The following PDSS2 variants were observed in gnomAD, a reference collection of about 807,000 sequenced individuals.
PDSS2 encodes all trans-polyprenyl-diphosphate synthase PDSS2.
Under a neutral mutation model 44.5 loss-of-function variants are expected in PDSS2, and 31 were observed. The observed-to-expected ratio is 0.70, with a 90% confidence interval of 0.52 to 0.94. The LOEUF (loss-of-function observed/expected upper bound fraction) is 0.94, where lower values mean the gene tolerates loss of function less well. Ranked by LOEUF, PDSS2 falls within the 40% of genes least tolerant of loss-of-function variation. The pLI, the probability that PDSS2 is intolerant of heterozygous loss-of-function variation, is 0.00. For synonymous variants in PDSS2, 157 were observed against 180.3 expected, an observed-to-expected ratio of 0.87 and a Z score of 1.03; for missense variants, 452 against 482.2, an observed-to-expected ratio of 0.94 and a Z score of 0.59.
chr6:107,356,992 A>G lies in PDSS2; in HGVS notation c.297-22660T>C, dbSNP rs894672909. Among the ~76,000 whole-genome samples, 9 of 152,320 alleles carry G rather than the reference A, an allele frequency of 5.9e-5. No individual in the cohort carries two copies. In the East Asian group the frequency reaches 1.7e-3, roughly 29 times the overall value. ...ATGATTGAGGTTTAATTCTAAAAAA[A>G]TTCAGAACACACAAAACAGGAAAAA... is the stretch of plus-strand genomic sequence containing the variant. On this transcript the variant is annotated intron_variant, in intron 1 of 7. Coordinates refer to ENST00000369037, the MANE Select transcript of PDSS2 (RefSeq NM_020381.4).
At chr6:107,221,750 G>A (rs187294554) in intron 4 of PDSS2, among the ~76,000 whole-genome samples, 22 of 152,238 alleles carry the variant, frequency 1.4e-4, no homozygotes, top group Admixed American at 5.9e-4. Context: ...TGAGACATTT[G>A]TACATATCTA....
chr6:107,364,059 C>T lies in PDSS2; in HGVS notation c.297-29727G>A, dbSNP rs1031950215. Among the ~76,000 whole-genome samples the T allele has an allele frequency of 7.9e-5, 12 of 152,290 alleles. No individual in the cohort carries two copies. The East Asian group carries it at 1.7e-3, about 22-fold the overall frequency. ...ACCAGAGCAGCTAGATACAGAGCGT[C>T]GACTGGTGCACTCACAAACCTTGAG... On this transcript the variant is annotated intron_variant, in intron 1 of 7. Coordinates refer to ENST00000369037, the MANE Select transcript of PDSS2 (RefSeq NM_020381.4).
chr6:107,181,064 C>G (rs1416648092), intron 7 of PDSS2, among the ~76,000 whole-genome samples: 1 of 151,856 alleles, frequency 6.6e-6, no homozygotes, highest in Non-Finnish European at 1.5e-5. Flanking sequence ...AGGCTGGGCT[C>G]GAACTCCTGA....
intron 7 of PDSS2, among the ~76,000 whole-genome samples, chr6:107,181,577 A>C (rs115256376): frequency 0.015 from 2,223 of 150,618 alleles, 53 homozygotes; most frequent in African/African-American, 0.051. Context: ...AATAAGAAAA[A>C]AAAAAGAAAG....
chr6:107,159,073 C>T (rs931374024), intron 7 of PDSS2, among the ~76,000 whole-genome samples: 3 of 152,034 alleles, frequency 2.0e-5, no homozygotes, highest in South Asian at 2.1e-4. Flanking sequence ...AGTCCCTTGT[C>T]GGACTGCTGG....
Position 107,459,138 on chromosome 6 carries a change from T to A in PDSS2, c.148A>T (p.Asn50Tyr), listed in dbSNP as rs1321758345. The stretch of plus-strand genomic sequence containing the variant: ...TTCTCCGCCTCTGACACTACCTGAT[T>A]CCAGTGGGCCGGGGACTTGGAGGAC... ...GRSSKSPAHW[N>Y]QVVSEAEKIV... is the part of the protein sequence containing the mutation. Residue 50 changes from asparagine (N) to tyrosine (Y), a missense_variant, in exon 1 of 8, where the codon AAT becomes TAT. By Grantham distance (143) the Asn-to-Tyr change is moderately radical (BLOSUM62 -2). Coordinates refer to ENST00000369037, the MANE Select transcript of PDSS2 (RefSeq NM_020381.4). This position sits in a 1 kb window ranked among gnomAD's most constrained non-coding sequence, Gnocchi z 4.3. 6.2e-7 allele frequency: 1 copy of A among 1,613,978 alleles called. No homozygotes were observed. The highest frequency in any genetic ancestry group is 1.7e-5 in the Admixed American group (1 of 60,010).
chr6:107,168,262 G>T lies in PDSS2; in HGVS notation c.1042-13485C>A, dbSNP rs1423812110. 5.3e-5 allele frequency among the ~76,000 whole-genome samples: 8 copies of T among 152,048 alleles called. No homozygotes were observed. The East Asian group carries it at 1.5e-3, about 29-fold the overall frequency. ...TTCTTTGTCTCTTTTGATCTTTGTTGGTTTAAAGTCTGTTTTATCAGAGAC... is the reference window on the plus strand; with the variant it reads ...TTCTTTGTCTCTTTTGATCTTTGTTTGTTTAAAGTCTGTTTTATCAGAGAC... On this transcript the variant is annotated intron_variant, in intron 7 of 7. Coordinates refer to ENST00000369037, the MANE Select transcript of PDSS2 (RefSeq NM_020381.4).
chr6:107,339,365 C>T (rs947400735), intron 1 of PDSS2, among the ~76,000 whole-genome samples: 4 of 152,156 alleles, frequency 2.6e-5, no homozygotes, highest in African/African-American at 4.8e-5. Flanking sequence ...CATTAAAGTT[C>T]TACAGAATTG....
At chr6:107,157,893 G>A (rs1770965212) in intron 7 of PDSS2, among the ~76,000 whole-genome samples, 3 of 151,906 alleles carry the variant, frequency 2.0e-5, no homozygotes, top group South Asian at 4.2e-4. Flanking sequence ...GGCTGGTCTC[G>A]AACTCCTGAC....
intron 5 of PDSS2, among the ~76,000 whole-genome samples, chr6:107,211,821 T>C (rs918170173): frequency 6.6e-6 from 1 of 150,734 alleles, no homozygotes; most frequent in African/African-American, 2.4e-5. Context: ...AGTCTGTAAA[T>C]ATGTTATTTA....
chr6:107,217,738 T>C (rs1241499037), intron 4 of PDSS2, among the ~76,000 whole-genome samples: 1 of 152,190 alleles, frequency 6.6e-6, no homozygotes, highest in Non-Finnish European at 1.5e-5. Flanking sequence ...TAAACCTACA[T>C]ACATGCGAAA....
chr6:107,444,792 C>A (rs940392645), intron 1 of PDSS2, among the ~76,000 whole-genome samples: 4 of 152,086 alleles, frequency 2.6e-5, no homozygotes, highest in Non-Finnish European at 5.9e-5. Context: ...CAGTAGTGAA[C>A]TCAGGAACAT....
chr6:107,370,637 T>C (rs922657517), intron 1 of PDSS2, among the ~76,000 whole-genome samples: 1 of 152,226 alleles, frequency 6.6e-6, no homozygotes, highest in Admixed American at 6.5e-5. Flanking sequence ...AATTTCTCCC[T>C]CTCTAGTTAC....
chr6:107,313,416 G>A (rs1457781530), intron 2 of PDSS2, among the ~76,000 whole-genome samples: 2 of 152,126 alleles, frequency 1.3e-5, no homozygotes, highest in African/African-American at 4.8e-5. Flanking sequence ...GCAGTGGCAT[G>A]ATCTCGGCTC....
At chr6:107,392,725 T>C (rs1049049391) in intron 1 of PDSS2, among the ~76,000 whole-genome samples, 11 of 152,288 alleles carry the variant, frequency 7.2e-5, no homozygotes, top group African/African-American at 2.4e-4. Flanking sequence ...AGGTGACTTG[T>C]TGGGCACCCT....
chr6:107,274,633 T>C (rs1312854643), intron 2 of PDSS2, among the ~76,000 whole-genome samples: 3 of 151,870 alleles, frequency 2.0e-5, no homozygotes, highest in Non-Finnish European at 2.9e-5. Flanking sequence ...TGCCAGATAC[T>C]AGTCTAAGGG....
chr6:107,427,112 A>G (rs528158075), intron 1 of PDSS2, among the ~76,000 whole-genome samples: 8 of 152,228 alleles, frequency 5.3e-5, no homozygotes, highest in Non-Finnish European at 7.4e-5. Flanking sequence ...CATAATTCCC[A>G]TGTGTTGTGG....
intron 1 of PDSS2, among the ~76,000 whole-genome samples, chr6:107,391,315 G>C (rs1299354917): frequency 1.3e-5 from 2 of 152,108 alleles, no homozygotes; most frequent in African/African-American, 4.8e-5. Context: ...GTAATGATAA[G>C]AGGGAATAAA....
chr6:107,449,607 T>C (rs1437915320), intron 1 of PDSS2, among the ~76,000 whole-genome samples: 1 of 152,202 alleles, frequency 6.6e-6, no homozygotes, highest in Non-Finnish European at 1.5e-5. Context: ...TCACTCAGCA[T>C]AATGTCCTCC....
Sources: allele counts gnomAD v4.1 joint callset (sites outside exome capture counted in the v4.1 genomes callset), GRCh38; gene constraint gnomAD v4.1.1; non-coding constraint Gnocchi (gnomAD v3.1); transcripts MANE v1.5; gene names NCBI Gene and HGNC (gene_info 2026-07-23, HGNC 2026-07-21).